Variants in SEPTIN7 observed in about 807,000 individuals in gnomAD.
The protein encoded by SEPTIN7 is septin-7.
SEPTIN7 carries 10 observed loss-of-function variants against 63.3 expected under a neutral mutation model. The observed-to-expected ratio is 0.16, with a 90% CI of 0.10 to 0.27. SEPTIN7 has a LOEUF of 0.27. Among genes scored for constraint, SEPTIN7 ranks in the 10% least tolerant of loss-of-function variants. The pLI is 1.00. For missense variants in SEPTIN7, 310 were observed against 521.0 expected, an observed-to-expected ratio of 0.59 and a Z score of 3.94; for synonymous variants, 131 against 165.3, an observed-to-expected ratio of 0.79 and a Z score of 1.59.
At chr7:35,840,064 A>G (rs1382913325) in intron 3 of SEPTIN7, among the ~76,000 whole-genome samples, 1 of 152,054 alleles carries the variant, frequency 6.6e-6, no homozygotes, top group African/African-American at 2.4e-5. Context: ...CTCTTGGCAC[A>G]TACTGGCAAA....
intron 1 of SEPTIN7, among the ~76,000 whole-genome samples, chr7:35,808,748 A>G (rs190789427): frequency 1.6e-4 from 25 of 152,364 alleles, no homozygotes; most frequent in African/African-American, 4.3e-4. Context: ...GTGATTAAGT[A>G]TCAACATACA....
At chr7:35,844,551 C>T (rs1784561761) in intron 3 of SEPTIN7, among the ~76,000 whole-genome samples, 1 of 152,138 alleles carries the variant, frequency 6.6e-6, no homozygotes. Flanking sequence ...GCTGTATGAC[C>T]CTGGACAGAT....
chr7:35,877,111 AAAAT>A (rs1293028133), intron 6 of SEPTIN7, among the ~76,000 whole-genome samples: 2 of 152,188 alleles, frequency 1.3e-5, no homozygotes, highest in Non-Finnish European at 2.9e-5. Flanking sequence ...CCCTGTCAAA[AAAAT>A]AAATAAATAA....
intron 3 of SEPTIN7, among the ~76,000 whole-genome samples, 155 bp from the exon 4 acceptor site, chr7:35,863,397 A>G (rs1785621023): frequency 6.6e-6 from 1 of 152,198 alleles, no homozygotes; most frequent in Non-Finnish European, 1.5e-5. Flanking sequence ...AACTGAGGAC[A>G]AGATACTTAT....
intron 2 of SEPTIN7, 132 bp from the exon 3 acceptor site, chr7:35,832,666 G>A (rs777923224): frequency 1.5e-6 from 1 of 681,136 alleles, no homozygotes; most frequent in South Asian, 1.5e-5. Context: ...TATTGATAAT[G>A]CCATGAAAGT....
intron 11 of SEPTIN7, among the ~76,000 whole-genome samples, chr7:35,894,602 A>G (rs934773247): frequency 4.6e-5 from 7 of 152,196 alleles, no homozygotes; most frequent in Admixed American, 4.6e-4. Context: ...GTTTGGTTTT[A>G]ATACTCTCAC....
intron 1 of SEPTIN7, among the ~76,000 whole-genome samples, chr7:35,816,834 A>G (rs1314984586): frequency 1.3e-5 from 2 of 152,062 alleles, no homozygotes; most frequent in East Asian, 3.8e-4. Context: ...ACATCTTTTC[A>G]TGTGCTTATT....
At chr7:35,900,882 A>C (rs1788283471) in intron 12 of SEPTIN7, 1 of 152,174 alleles carries the variant, frequency 6.6e-6, no homozygotes, top group Non-Finnish European at 1.5e-5. Context: ...AGATACTCTA[A>C]GCCATTAGAG....
At chr7:35,810,624 G>A (rs1037575391) in intron 1 of SEPTIN7, among the ~76,000 whole-genome samples, 18 of 151,342 alleles carry the variant, frequency 1.2e-4, no homozygotes, top group African/African-American at 4.4e-4. Context: ...CGCCCAGCCA[G>A]ATGTTTACTT....
chr7:35,873,885 A>T (rs1183064642), intron 6 of SEPTIN7, 110 bp downstream of exon 6: 1 of 972,716 alleles, frequency 1.0e-6, no homozygotes, highest in East Asian at 2.6e-5. Context: ...AACTATAGCC[A>T]TTATGAAGTA....
rs141009532 is a variant in SEPTIN7, at chr7:35,808,151, A to G, written c.61+6881A>G. 2.6e-4 allele frequency among the ~76,000 whole-genome samples: 39 copies of G among 152,070 alleles called. 1 individual carries two copies. The highest frequency in any genetic ancestry group is 8.0e-4 in the African/African-American group (33 of 41,486). ...TTGTTGTTGTTTTTTTTAATAGGTA[A>G]TATAATCACTTGGTTCAAAATTCAA... On this transcript the variant is annotated intron_variant, in intron 1 of 13. Coordinates refer to ENST00000350320, the MANE Select transcript of SEPTIN7 (RefSeq NM_001788.6).
rs1438607067 is a variant in SEPTIN7 at position 35,883,874 on chromosome 7, A to G, written c.724-17A>G. 1 of 1,476,190 alleles carries G rather than the reference A, an allele frequency of 6.8e-7. No individual in the cohort carries two copies. Among genetic ancestry groups the G allele is most frequent in the Admixed American group, 1.7e-5 (1 of 59,520 alleles). The allele number at this position is 1,476,190 out of a possible 1,614,324, so 91.4% of individuals were successfully genotyped here. A position where few individuals can be genotyped will look rare whatever the true frequency, so the allele number is the denominator to read the frequency against. ...GACTACAGAGATGTATTTGAACAAGAATACTTTGTTTTATAGGACCGTTTA... is the reference window on the plus strand; with the variant it reads ...GACTACAGAGATGTATTTGAACAAGGATACTTTGTTTTATAGGACCGTTTA... On this transcript the variant is annotated splice_polypyrimidine_tract_variant and intron_variant, in intron 8 of 13. Transcript: ENST00000350320.
intron 1 of SEPTIN7, among the ~76,000 whole-genome samples, chr7:35,819,739 G>A (rs763001135): frequency 6.6e-6 from 1 of 151,944 alleles, no homozygotes; most frequent in Admixed American, 6.6e-5. Flanking sequence ...TGATATTAGT[G>A]TAGCTACTTC....
intron 6 of SEPTIN7, among the ~76,000 whole-genome samples, chr7:35,877,992 A>G: frequency 6.6e-6 from 1 of 152,164 alleles, no homozygotes; most frequent in East Asian, 1.9e-4. Context: ...TGAATATCTC[A>G]TGTAATTTAT....
intron 4 of SEPTIN7, among the ~76,000 whole-genome samples, chr7:35,865,458 G>GGT (rs1379099409): frequency 1.3e-5 from 2 of 151,888 alleles, no homozygotes; most frequent in East Asian, 3.8e-4. Flanking sequence ...ACTCATGTTG[G>GGT]GTGTAGTTCT....
At chr7:35,863,100 G>A (rs36034007) in intron 3 of SEPTIN7, among the ~76,000 whole-genome samples, 4 of 152,046 alleles carry the variant, frequency 2.6e-5, no homozygotes, top group Non-Finnish European at 4.4e-5. Context: ...ATACGGAGAT[G>A]TTCATTGTGA....
chr7:35,828,867 C>A (rs1052163064), intron 1 of SEPTIN7, among the ~76,000 whole-genome samples: 1 of 152,160 alleles, frequency 6.6e-6, no homozygotes, highest in African/African-American at 2.4e-5. Flanking sequence ...CTAAAGCAAT[C>A]CTCTCGCCTT....
chr7:35,846,481 C>A (rs902463909), intron 3 of SEPTIN7, among the ~76,000 whole-genome samples: 2 of 152,090 alleles, frequency 1.3e-5, no homozygotes, highest in Non-Finnish European at 2.9e-5. Flanking sequence ...CTCATCCTTG[C>A]CAATATTGAG....
chr7:35,865,275 C>T (rs186797361), intron 4 of SEPTIN7, among the ~76,000 whole-genome samples: 19 of 152,272 alleles, frequency 1.2e-4, no homozygotes, highest in South Asian at 4.1e-4. Flanking sequence ...CAGTTCATTT[C>T]CAGAACCCTA....
Sources: allele counts gnomAD v4.1 joint callset (sites outside exome capture counted in the v4.1 genomes callset), GRCh38; gene constraint gnomAD v4.1.1; transcripts MANE v1.5; gene names NCBI Gene and HGNC (gene_info 2026-07-23, HGNC 2026-07-21).